The following EHBP1 variants were observed in gnomAD, a reference collection of about 807,000 sequenced individuals.
EHBP1 encodes EH domain binding protein 1.
Under a neutral mutation model 144.0 loss-of-function variants are expected in EHBP1, and 55 were observed. The observed-to-expected ratio is 0.38, with a 90% confidence interval of 0.31 to 0.48. The LOEUF is 0.48. EHBP1 is among the 20% of genes least tolerant of loss of function. The pLI, the probability that EHBP1 is intolerant of heterozygous loss-of-function variation, is 0.98. For missense variants in EHBP1, 1,200 were observed against 1,364.2 expected, an observed-to-expected ratio of 0.88 and a Z score of 1.90; for synonymous variants, 469 against 472.7, an observed-to-expected ratio of 0.99 and a Z score of 0.10.
intron 8 of EHBP1, among the ~76,000 whole-genome samples, chr2:62,861,418 G>A (rs1465279677): frequency 2.0e-5 from 3 of 150,110 alleles, no homozygotes; most frequent in Non-Finnish European, 3.0e-5. Context: ...GTGAGCCACC[G>A]CGCCCAGCCC....
intron 14 of EHBP1, among the ~76,000 whole-genome samples, chr2:62,976,231 C>T (rs186773207): frequency 2.4e-4 from 36 of 152,218 alleles, no homozygotes; most frequent in African/African-American, 8.7e-4. Flanking sequence ...TGGTTCTCTA[C>T]TGGGAGCTTC....
At chr2:62,847,447 G>C (rs965120107) in intron 7 of EHBP1, among the ~76,000 whole-genome samples, 4 of 152,090 alleles carry the variant, frequency 2.6e-5, no homozygotes, top group African/African-American at 9.7e-5. Context: ...GTAGGCAGAG[G>C]GTTTTAACAG....
chr2:62,853,149 G>T (rs528614981), intron 7 of EHBP1, among the ~76,000 whole-genome samples: 133 of 152,254 alleles, frequency 8.7e-4, no homozygotes, highest in African/African-American at 3.2e-3. Flanking sequence ...TTTCATACCT[G>T]CATTCCTTGG....
chr2:62,948,836 G>T lies in EHBP1; in HGVS notation c.1990G>T (p.Asp664Tyr). 1 of 1,614,092 alleles carries T rather than the reference G, an allele frequency of 6.2e-7. No individual in the cohort carries two copies. The highest frequency in any genetic ancestry group is 1.1e-5 in the South Asian group (1 of 91,062). ...GAAAGCTGAGACTTTAGAATTGAGT[G>T]ACTTATATGTTAGTGATAAGAAGAA... is the stretch of plus-strand genomic sequence containing the variant. ...LLKAETLELS[D>Y]LYVSDKKKDM... The change falls in exon 13 of 23, where the codon GAC (aspartate) becomes TAC (tyrosine). Residue 664 changes from aspartate (D) to tyrosine (Y), a missense_variant. By Grantham distance (160) the Asp-to-Tyr change is radical (BLOSUM62 -3). Coordinates refer to ENST00000431489, the MANE Select transcript of EHBP1 (RefSeq NM_001142616.3).
chr2:62,806,795 C>A (rs544422596), intron 5 of EHBP1, among the ~76,000 whole-genome samples: 1 of 151,770 alleles, frequency 6.6e-6, no homozygotes, highest in African/African-American at 2.4e-5. Flanking sequence ...ACAGCTAATC[C>A]AAGCCCACTT....
At chr2:62,689,614 C>T (rs1572869113) in intron 1 of EHBP1, among the ~76,000 whole-genome samples, 4 of 152,182 alleles carry the variant, frequency 2.6e-5, no homozygotes, top group South Asian at 4.2e-4. Flanking sequence ...CGGAGATAAC[C>T]GAGATTGTGC....
In EHBP1 at chr2:62,808,544, G is replaced by GC. The variant is rs2044692455; in HGVS notation, c.313-17540dup. 3.3e-5 allele frequency among the ~76,000 whole-genome samples: 5 copies of GC among 152,194 alleles called. No individual in the cohort carries two copies. The South Asian group carries it at 1.0e-3, about 32-fold the overall frequency. On this transcript the variant is annotated intron_variant, in intron 5 of 22. Coordinates refer to ENST00000431489, the MANE Select transcript of EHBP1 (RefSeq NM_001142616.3). ...CAGGCTGTCTGCTTTATCTATTAGA[G>GC]CCCTTAGCATATTAATTATCATTTT...
intron 10 of EHBP1, among the ~76,000 whole-genome samples, chr2:62,917,669 T>C (rs892883974): frequency 6.6e-6 from 1 of 152,204 alleles, no homozygotes; most frequent in African/African-American, 2.4e-5. Flanking sequence ...CAGAACTGAA[T>C]TGATTTTCAC....
intron 7 of EHBP1, among the ~76,000 whole-genome samples, chr2:62,831,900 T>G (rs2046844942): frequency 6.6e-6 from 1 of 152,192 alleles, no homozygotes; most frequent in Non-Finnish European, 1.5e-5. Flanking sequence ...ACTCATCTTT[T>G]GGTTCTGCCT....
intron 2 of EHBP1, among the ~76,000 whole-genome samples, chr2:62,731,567 G>A (rs1387211678): frequency 3.9e-5 from 6 of 152,012 alleles, no homozygotes; most frequent in Non-Finnish European, 8.8e-5. Flanking sequence ...TCAAGTTGAG[G>A]AAGTTCCCCC....
chr2:62,717,265 A>T (rs2035773511), intron 2 of EHBP1, among the ~76,000 whole-genome samples: 2 of 152,318 alleles, frequency 1.3e-5, no homozygotes, highest in Middle Eastern at 3.4e-3. Context: ...GTTTCAAATG[A>T]GTTTTGCAAT....
chr2:62,723,405 A>G (rs916514187), intron 2 of EHBP1, among the ~76,000 whole-genome samples: 28 of 152,180 alleles, frequency 1.8e-4, no homozygotes, highest in Non-Finnish European at 3.5e-4. Flanking sequence ...TCTTGAAGAC[A>G]GCATACCAAT....
chr2:63,019,147 A>G (rs139868238), intron 19 of EHBP1, among the ~76,000 whole-genome samples: 73 of 152,320 alleles, frequency 4.8e-4, no homozygotes, highest in African/African-American at 1.7e-3. Context: ...TTAAAAACAT[A>G]GATTCCCAAG....
intron 10 of EHBP1, among the ~76,000 whole-genome samples, chr2:62,882,833 G>C (rs1296208338): frequency 6.6e-6 from 1 of 151,372 alleles, no homozygotes; most frequent in Non-Finnish European, 1.5e-5. Flanking sequence ...AGTGAGCCGA[G>C]ATGGCGCCAT....
intron 2 of EHBP1, among the ~76,000 whole-genome samples, chr2:62,744,782 A>T (rs1206311136): frequency 6.6e-6 from 1 of 152,118 alleles, no homozygotes; most frequent in African/African-American, 2.4e-5. Context: ...GCTAAGCATT[A>T]GAATGAGGCA....
chr2:62,723,867 C>T (rs2036475186), intron 2 of EHBP1, among the ~76,000 whole-genome samples: 1 of 152,178 alleles, frequency 6.6e-6, no homozygotes, highest in African/African-American at 2.4e-5. Flanking sequence ...GTCTGATGGG[C>T]TTCTCTTTGT....
At chr2:62,937,333 A>C (rs2056449624) in intron 10 of EHBP1, among the ~76,000 whole-genome samples, 1 of 152,212 alleles carries the variant, frequency 6.6e-6, no homozygotes, top group Admixed American at 6.5e-5. Flanking sequence ...ACTTTCTCCA[A>C]CTGTAAATTG....
chr2:62,759,402 G>A (rs545899124), intron 3 of EHBP1, among the ~76,000 whole-genome samples: 1 of 152,034 alleles, frequency 6.6e-6, no homozygotes, highest in Non-Finnish European at 1.5e-5. Flanking sequence ...CCAATATGGT[G>A]TGCTTTTTCT....
intron 1 of EHBP1, among the ~76,000 whole-genome samples, chr2:62,687,341 A>T (rs1352671337): frequency 6.6e-6 from 1 of 152,218 alleles, no homozygotes; most frequent in African/African-American, 2.4e-5. Context: ...GAATATTGGA[A>T]ATAATAAAGT....
Sources: gnomAD v4.1 joint callset for allele counts (sites outside exome capture counted in the v4.1 genomes callset) on GRCh38, gnomAD v4.1.1 for gene constraint, MANE v1.5 for transcripts, NCBI Gene and HGNC (gene_info 2026-07-23, HGNC 2026-07-21) for gene names.